The following ULK4 variants were observed in gnomAD, a reference collection of about 807,000 sequenced individuals.
The protein encoded by ULK4 is unc-51 like kinase 4.
In ULK4, 133 loss-of-function variants were observed where a neutral mutation model predicts 160.6. The observed-to-expected ratio is 0.83, with a 90% CI of 0.72 to 0.96. ULK4 has a LOEUF of 0.96. ULK4 is among the 40% of genes least tolerant of loss of function. The pLI is 0.00. For synonymous variants in ULK4, 534 were observed against 539.8 expected, an observed-to-expected ratio of 0.99 and a Z score of 0.15; for missense variants, 1,580 against 1,499.5, an observed-to-expected ratio of 1.05 and a Z score of -0.89.
chr3:41,529,060 T>C (rs960006346), intron 32 of ULK4, among the ~76,000 whole-genome samples: 1 of 152,174 alleles, frequency 6.6e-6, no homozygotes, highest in Non-Finnish European at 1.5e-5. Flanking sequence ...CAGAGAAGAG[T>C]TCCCAAAGCG....
intron 32 of ULK4, among the ~76,000 whole-genome samples, chr3:41,546,720 A>G (rs566400811): frequency 2.4e-4 from 36 of 149,712 alleles, no homozygotes; most frequent in African/African-American, 8.6e-4. Flanking sequence ...CCCAAGCTCA[A>G]CAAGACCTCT....
At chr3:41,702,945 C>A (rs1030012995) in intron 27 of ULK4, among the ~76,000 whole-genome samples, 1 of 151,392 alleles carries the variant, frequency 6.6e-6, no homozygotes, top group Non-Finnish European at 1.5e-5. Context: ...CCTCCGCCTC[C>A]CAGGTTCAAG....
chr3:41,459,048 C>G (rs1231635149), intron 33 of ULK4, among the ~76,000 whole-genome samples: 1 of 147,954 alleles, frequency 6.8e-6, no homozygotes, highest in Non-Finnish European at 1.5e-5. Context: ...GCCACCGTGC[C>G]CAGCCTTTAT....
At chr3:41,909,182 A>G (rs1487217080) in intron 11 of ULK4, among the ~76,000 whole-genome samples, 4 of 151,988 alleles carry the variant, frequency 2.6e-5, no homozygotes, top group African/African-American at 9.7e-5. Context: ...AATAGCTTAA[A>G]CAGTGTAGGT....
At chr3:41,886,287 T>C (rs900603908) in intron 16 of ULK4, among the ~76,000 whole-genome samples, 1 of 152,174 alleles carries the variant, frequency 6.6e-6, no homozygotes, top group African/African-American at 2.4e-5. Context: ...CATTTACTTG[T>C]TTATTATCTG....
chr3:41,636,825 T>C (rs1012026139), intron 30 of ULK4, among the ~76,000 whole-genome samples: 10 of 151,936 alleles, frequency 6.6e-5, no homozygotes, highest in African/African-American at 2.2e-4. Flanking sequence ...CATTCTTGTA[T>C]ATAAACATTT....
At chr3:41,882,098 C>T (rs1697542954) in intron 17 of ULK4, 1 of 669,650 alleles carries the variant, frequency 1.5e-6, no homozygotes, top group Admixed American at 2.1e-5. Flanking sequence ...CTTGACAATT[C>T]CTGCAGCAGC....
At chr3:41,806,538 G>C (rs868594876) in intron 19 of ULK4, among the ~76,000 whole-genome samples, 2 of 151,994 alleles carry the variant, frequency 1.3e-5, no homozygotes, top group Non-Finnish European at 2.9e-5. Flanking sequence ...TTTTGAATGC[G>C]TTTGCTCTTG....
chr3:41,859,798 C>T (rs930358738), intron 17 of ULK4, among the ~76,000 whole-genome samples: 1 of 150,440 alleles, frequency 6.6e-6, no homozygotes, highest in African/African-American at 2.5e-5. Flanking sequence ...GCTAGGATTA[C>T]AGGTGCACGC....
chr3:41,635,945 T>G (rs1235270680), intron 30 of ULK4, among the ~76,000 whole-genome samples: 3 of 152,226 alleles, frequency 2.0e-5, no homozygotes, highest in African/African-American at 7.2e-5. Flanking sequence ...AGATACATAG[T>G]TTTCCAACCT....
chr3:41,846,579 CA>C (rs2042074663), intron 17 of ULK4, among the ~76,000 whole-genome samples: 1 of 152,018 alleles, frequency 6.6e-6, no homozygotes, highest in Non-Finnish European at 1.5e-5. Context: ...CCGAGGCAGG[CA>C]GACTGTCTGA....
At chr3:41,818,776 G>A (rs549145963) in intron 19 of ULK4, among the ~76,000 whole-genome samples, 1 of 152,164 alleles carries the variant, frequency 6.6e-6, no homozygotes, top group African/African-American at 2.4e-5. Context: ...CTTTGCCTTG[G>A]GTGAAACAAT....
intron 22 of ULK4, among the ~76,000 whole-genome samples, chr3:41,735,118 A>C (rs2037982801): frequency 6.6e-6 from 1 of 152,194 alleles, no homozygotes; most frequent in Admixed American, 6.6e-5. Flanking sequence ...GAAAGAAATG[A>C]TTTGATGAAA....
At chr3:41,604,701 A>G (rs2032283985) in intron 31 of ULK4, among the ~76,000 whole-genome samples, 1 of 152,098 alleles carries the variant, frequency 6.6e-6, no homozygotes, top group African/African-American at 2.4e-5. Flanking sequence ...AAATTCATGG[A>G]TGTTCAGCAA....
intron 35 of ULK4, among the ~76,000 whole-genome samples, chr3:41,321,133 C>G (rs2080237435): frequency 6.6e-6 from 1 of 151,906 alleles, no homozygotes; most frequent in Non-Finnish European, 1.5e-5. Flanking sequence ...CTCCCAAGAT[C>G]TCACATTTCT....
chr3:41,921,489 C>A (rs1015041419), intron 5 of ULK4, among the ~76,000 whole-genome samples: 1 of 152,050 alleles, frequency 6.6e-6, no homozygotes, highest in Non-Finnish European at 1.5e-5. Flanking sequence ...GTGGCAGGCG[C>A]CTGTAGTCCC....
chr3:41,388,299 G>A lies in ULK4; in HGVS notation c.3678+9780C>T, dbSNP rs368611038. Among the ~76,000 whole-genome samples, 920 of 151,672 alleles carry A rather than the reference G, an allele frequency of 6.1e-3. 4 individuals are homozygous for A. The highest frequency in any genetic ancestry group is 0.014 in the African/African-American group (570 of 41,210). On this transcript the variant is annotated intron_variant, in intron 35 of 36. Transcript: ENST00000301831. Reference sequence around the variant, plus strand: ...GCCCTTTGTCAGATGAGTAGGTTGCGAAAATTTTCTCCCATTTTGTAGGTT... The same window carrying A: ...GCCCTTTGTCAGATGAGTAGGTTGCAAAAATTTTCTCCCATTTTGTAGGTT...
intron 34 of ULK4, among the ~76,000 whole-genome samples, chr3:41,444,743 G>T (rs2083257071): frequency 1.3e-5 from 2 of 152,056 alleles, no homozygotes; most frequent in South Asian, 4.2e-4. Context: ...ACTTTGAAAG[G>T]CCGAGGTGGA....
chr3:41,622,992 C>T (rs1438357396), intron 30 of ULK4, among the ~76,000 whole-genome samples: 2 of 152,142 alleles, frequency 1.3e-5, no homozygotes, highest in Admixed American at 1.3e-4. Context: ...TTATAAACAA[C>T]AGGCAGTGGG....
Sources: gnomAD v4.1 joint callset for allele counts (sites outside exome capture counted in the v4.1 genomes callset) on GRCh38, gnomAD v4.1.1 for gene constraint, MANE v1.5 for transcripts, NCBI Gene and HGNC (gene_info 2026-07-23, HGNC 2026-07-21) for gene names.